The following ATXN1 variants were observed in gnomAD, a reference collection of about 807,000 sequenced individuals.
The protein encoded by ATXN1 is ataxin 1, also known as ataxin-1.
In ATXN1, 8 loss-of-function variants were observed where a neutral mutation model predicts 56.4. That is an observed-to-expected ratio of 0.14 (90% CI 0.08 to 0.26). The LOEUF (loss-of-function observed/expected upper bound fraction) is 0.26, where lower values mean the gene tolerates loss of function less well. Among genes scored for constraint, ATXN1 ranks in the 10% least tolerant of loss-of-function variants. The pLI, the probability that ATXN1 is intolerant of heterozygous loss-of-function variation, is 1.00. For missense variants in ATXN1, 987 were observed against 1,106.5 expected (o/e 0.89, Z 1.53); for synonymous variants, 514 against 494.6 (o/e 1.04, Z -0.52).
chr6:16,515,933 C>T (rs1282433980), intron 5 of ATXN1, among the ~76,000 whole-genome samples: 1 of 152,124 alleles, frequency 6.6e-6, no homozygotes, highest in African/African-American at 2.4e-5. Context: ...TAATGATCTC[C>T]ATCTCATTCA....
chr6:16,677,052 C>T (rs1035213628), intron 2 of ATXN1, among the ~76,000 whole-genome samples: 2 of 152,104 alleles, frequency 1.3e-5, no homozygotes, highest in African/African-American at 4.8e-5. Context: ...TGAATCATGT[C>T]TGTAGTGGCC....
intron 6 of ATXN1, among the ~76,000 whole-genome samples, chr6:16,436,511 A>G (rs1480828930): frequency 6.6e-6 from 1 of 152,204 alleles, no homozygotes; most frequent in Non-Finnish European, 1.5e-5. Context: ...TCAGTCAAAA[A>G]AGACCTCACA....
chr6:16,454,073 T>C (rs1759812832), intron 6 of ATXN1, among the ~76,000 whole-genome samples: 1 of 132,204 alleles, frequency 7.6e-6, no homozygotes, highest in Non-Finnish European at 1.5e-5. Context: ...GAGGTTGCAG[T>C]GAGCTGAGAT....
intron 6 of ATXN1, among the ~76,000 whole-genome samples, chr6:16,464,080 T>TG (rs1760052497): frequency 6.6e-6 from 1 of 152,092 alleles, no homozygotes; most frequent in South Asian, 2.1e-4. Context: ...CAACAGCAGC[T>TG]GGGGTGTCCT....
intron 3 of ATXN1, among the ~76,000 whole-genome samples, chr6:16,602,285 T>G (rs1202469458): frequency 6.6e-6 from 1 of 152,104 alleles, no homozygotes; most frequent in African/African-American, 2.4e-5. Flanking sequence ...TGAACACCAG[T>G]GAAACACCAC....
At chr6:16,700,850 A>G (rs1759268268) in intron 2 of ATXN1, among the ~76,000 whole-genome samples, 1 of 152,142 alleles carries the variant, frequency 6.6e-6, no homozygotes, top group Non-Finnish European at 1.5e-5. Context: ...CTCATTTCTA[A>G]GTGGAAAACA....
intron 6 of ATXN1, among the ~76,000 whole-genome samples, chr6:16,382,376 T>A (rs1465131479): frequency 5.3e-5 from 8 of 151,668 alleles, no homozygotes; most frequent in African/African-American, 1.9e-4. Flanking sequence ...GGTGGAAGCA[T>A]CACTTGGGCC....
chr6:16,562,473 GAGGAGAGGAGAGGAA>G, intron 4 of ATXN1, among the ~76,000 whole-genome samples: 1 of 107,894 alleles, frequency 9.3e-6, no homozygotes, highest in Middle Eastern at 4.6e-3. Flanking sequence ...GAGGAGAGGA[GAGGAGAGGAGAGGAA>G]AGGAAAGGAA....
At chr6:16,546,474 C>G (rs2113722786) in intron 4 of ATXN1, among the ~76,000 whole-genome samples, 1 of 152,270 alleles carries the variant, frequency 6.6e-6, no homozygotes, top group Admixed American at 6.5e-5. Flanking sequence ...CTTGTACTTA[C>G]CACTCCCTTC....
chr6:16,493,010 A>G (rs1270217363), intron 5 of ATXN1, among the ~76,000 whole-genome samples: 1 of 151,912 alleles, frequency 6.6e-6, no homozygotes, highest in Non-Finnish European at 1.5e-5. Context: ...CACCCTTTCT[A>G]TCTTCACCGC....
At chr6:16,509,630 C>T (rs1761042209) in intron 5 of ATXN1, among the ~76,000 whole-genome samples, 1 of 152,158 alleles carries the variant, frequency 6.6e-6, no homozygotes, top group South Asian at 2.1e-4. Context: ...GCTATCTGTC[C>T]TATCTACTAC....
intron 5 of ATXN1, among the ~76,000 whole-genome samples, chr6:16,513,937 T>C (rs1299766569): frequency 6.6e-6 from 1 of 152,154 alleles, no homozygotes; most frequent in Admixed American, 6.5e-5. Flanking sequence ...GCATCTTTCC[T>C]GTTCTAGCCT....
At chr6:16,423,374 C>A (rs950837744) in intron 6 of ATXN1, among the ~76,000 whole-genome samples, 1 of 152,160 alleles carries the variant, frequency 6.6e-6, no homozygotes, top group Non-Finnish European at 1.5e-5. Context: ...GTCAACCAAC[C>A]AAGCCCCCTG....
Position 16,754,811 on chromosome 6 carries a change from C to T in ATXN1, c.-729-1464G>A, listed in dbSNP as rs201602140. 8 of 152,154 alleles carry T rather than the reference C, an allele frequency of 5.3e-5. No homozygotes were observed. In the East Asian group the frequency reaches 1.5e-3, roughly 29 times the overall value. 9.4% of individuals were successfully genotyped at this position (152,154 alleles called of 1,614,324 possible). ...TAAGGTCTTTCAGATCTTTAGAAGG[C>T]ACAGTCCCTCCACCAAGAAGCCTGT... is the stretch of plus-strand genomic sequence containing the variant. On this transcript the variant is annotated intron_variant, in intron 1 of 7. Coordinates refer to ENST00000436367, the MANE Select transcript of ATXN1 (RefSeq NM_001128164.2).
intron 4 of ATXN1, among the ~76,000 whole-genome samples, chr6:16,557,170 C>CA (rs1405141064): frequency 1.3e-5 from 2 of 151,618 alleles, no homozygotes; most frequent in African/African-American, 2.4e-5. Context: ...ACTAAAAATA[C>CA]AAAAAAATTA....
intron 6 of ATXN1, among the ~76,000 whole-genome samples, chr6:16,422,929 A>T (rs1759066097): frequency 6.6e-6 from 1 of 152,226 alleles, no homozygotes; most frequent in Non-Finnish European, 1.5e-5. Context: ...TACTACTGAA[A>T]AGCACTTTAT....
chr6:16,386,149 A>C (rs1396874517), intron 6 of ATXN1, among the ~76,000 whole-genome samples: 1 of 152,216 alleles, frequency 6.6e-6, no homozygotes, highest in Non-Finnish European at 1.5e-5. Flanking sequence ...TTTTTCCAGC[A>C]AAGAAGCCAC....
chr6:16,430,385 T>C (rs190362557), intron 6 of ATXN1, among the ~76,000 whole-genome samples: 1 of 150,990 alleles, frequency 6.6e-6, no homozygotes, highest in Non-Finnish European at 1.5e-5. Context: ...CTGCGACCAC[T>C]AGTTATTAAC....
At chr6:16,500,912 C>T (rs1176245815) in intron 5 of ATXN1, among the ~76,000 whole-genome samples, 1 of 152,182 alleles carries the variant, frequency 6.6e-6, no homozygotes, top group African/African-American at 2.4e-5. Context: ...ATAGACAAGA[C>T]ACAATTTCCA....
Sources: gnomAD v4.1 joint callset for allele counts (sites outside exome capture counted in the v4.1 genomes callset) on GRCh38, gnomAD v4.1.1 for gene constraint, MANE v1.5 for transcripts, NCBI Gene and HGNC (gene_info 2026-07-23, HGNC 2026-07-21) for gene names.